VPS8: variants seen among roughly 807,000 people sequenced by gnomAD.
The protein encoded by VPS8 is vacuolar protein sorting-associated protein 8 homolog.
A neutral mutation model predicts 216.4 loss-of-function variants in VPS8; 129 were observed. That is an observed-to-expected ratio of 0.60 (90% CI 0.52 to 0.69). The LOEUF is 0.69. VPS8 is among the 30% of genes least tolerant of loss of function. The pLI is 0.00. For synonymous variants in VPS8, 571 were observed against 565.4 expected (o/e 1.01, Z -0.14); for missense variants, 1,531 against 1,683.5 (o/e 0.91, Z 1.59).
chr3:185,038,060 A>C (rs1260405079), intron 46 of VPS8, among the ~76,000 whole-genome samples: 1 of 152,206 alleles, frequency 6.6e-6, no homozygotes, highest in Non-Finnish European at 1.5e-5. Context: ...GAAACTGGAC[A>C]TTTTAGAAAA....
intron 15 of VPS8, among the ~76,000 whole-genome samples, 183 bp downstream of exon 15, chr3:184,860,248 A>G (rs1439331456): frequency 6.6e-6 from 1 of 151,912 alleles, no homozygotes; most frequent in African/African-American, 2.4e-5. Context: ...GAGCTGGGAT[A>G]GCTTAAGCCC....
At chr3:184,927,639 G>C (rs1739900986) in intron 31 of VPS8, among the ~76,000 whole-genome samples, 3 of 152,012 alleles carry the variant, frequency 2.0e-5, no homozygotes, top group African/African-American at 7.3e-5. Flanking sequence ...TACATCAGTG[G>C]TATTCACATT....
Position 184,915,359 on chromosome 3 carries a change from T to A in VPS8, c.2267T>A (p.Phe756Tyr). Reference sequence around the variant, plus strand: ...CATTTTTTTCCCAACTTGCAGGTTTTTGAATTTCTAATTCGCCTGCATTCA... The same window carrying A: ...CATTTTTTTCCCAACTTGCAGGTTTATGAATTTCTAATTCGCCTGCATTCA... ...DLVPLVKNQV[F>Y]EFLIRLHSAE... The change falls in exon 28 of 48, where the codon TTT becomes TAT. Residue 756 changes from phenylalanine to tyrosine, a missense_variant. Phe to Tyr is a conservative substitution (Grantham distance 22). Coordinates refer to ENST00000625842, the MANE Select transcript of VPS8 (RefSeq NM_001009921.3). 6.2e-7 allele frequency: 1 copy of A among 1,611,608 alleles called. No homozygotes were observed. The highest frequency in any genetic ancestry group is 2.2e-5 in the East Asian group (1 of 44,856).
chr3:184,991,363 T>A (rs1751873845), intron 42 of VPS8, among the ~76,000 whole-genome samples: 1 of 152,206 alleles, frequency 6.6e-6, no homozygotes, highest in African/African-American at 2.4e-5. Flanking sequence ...GGAAAATAAT[T>A]TGAAGAGCTA....
chr3:184,988,840 C>T (rs1177445638), intron 42 of VPS8, among the ~76,000 whole-genome samples: 2 of 152,184 alleles, frequency 1.3e-5, no homozygotes, highest in East Asian at 1.9e-4. Context: ...TAGAGTGTTA[C>T]AGTTTTCTTC....
chr3:184,898,701 C>G, intron 24 of VPS8, 47 bp downstream of exon 24: 1 of 1,361,742 alleles, frequency 7.3e-7, no homozygotes, highest in Non-Finnish European at 1.0e-6. Flanking sequence ...TGTCTACTAA[C>G]TTTTTTCTCC....
At chr3:184,968,801 C>A (rs1373334444) in intron 39 of VPS8, among the ~76,000 whole-genome samples, 1 of 152,092 alleles carries the variant, frequency 6.6e-6, no homozygotes, top group Non-Finnish European at 1.5e-5. Flanking sequence ...TTAGATTATC[C>A]TCTTTAACAC....
chr3:184,969,747 A>G (rs1748086802), intron 39 of VPS8, among the ~76,000 whole-genome samples: 2 of 150,992 alleles, frequency 1.3e-5, no homozygotes, highest in South Asian at 4.2e-4. Context: ...ACTTTTCAAG[A>G]CAATACATGA....
rs1442949641 is a variant in VPS8, at chr3:184,999,813, C to T, written c.3954C>T (p.Leu1318=). ...KCSSSNKVGK[L]SENSSEIKKG... Reference sequence around the variant, plus strand: ...GTTCAAGTAACAAAGTAGGAAAACTCAGTGAAAATTCATCTGAAATTAAAA... The same window carrying T: ...GTTCAAGTAACAAAGTAGGAAAACTTAGTGAAAATTCATCTGAAATTAAAA... The change falls in exon 45 of 48, where the codon CTC becomes CTT. Residue 1318 remains leucine (L), a synonymous_variant. Coordinates refer to ENST00000625842, the MANE Select transcript of VPS8 (RefSeq NM_001009921.3). 1 of 1,612,100 alleles carries T rather than the reference C, an allele frequency of 6.2e-7. No individual in the cohort carries two copies. The highest frequency in any genetic ancestry group is 1.7e-5 in the Admixed American group (1 of 59,664).
chr3:184,914,168 G>A (rs999376896), intron 26 of VPS8, among the ~76,000 whole-genome samples: 3 of 152,188 alleles, frequency 2.0e-5, no homozygotes, highest in African/African-American at 4.8e-5. Context: ...CATCATTTGA[G>A]CTCATATCTA....
chr3:184,949,907 CTGT>C (rs1243581142), intron 36 of VPS8, among the ~76,000 whole-genome samples: 5 of 151,774 alleles, frequency 3.3e-5, no homozygotes, highest in Non-Finnish European at 5.9e-5. Context: ...TTTGTTGCTG[CTGT>C]TGTTGTTTTT....
chr3:184,832,820 G>A lies in VPS8; in HGVS notation c.353+1G>A. 6.2e-7 allele frequency: 1 copy of A among 1,606,308 alleles called. No individual in the cohort carries two copies. Among genetic ancestry groups the A allele is most frequent in the Non-Finnish European group, 8.5e-7 (1 of 1,176,166 alleles). ...GTGGTGACAGGACCAACTTAAAAAG[G>A]TAGGTATTCATGTCAATCATACTTG... On this transcript the variant is annotated splice_donor_variant, in intron 4 of 47. Transcript: ENST00000625842. LOFTEE classifies it high-confidence loss of function.
intron 42 of VPS8, among the ~76,000 whole-genome samples, chr3:184,984,736 A>G (rs1386728072): frequency 1.3e-5 from 2 of 152,208 alleles, no homozygotes; most frequent in Non-Finnish European, 2.9e-5. Context: ...TAATATCTCC[A>G]TAAGGGCAGG....
At chr3:185,039,708 C>T (rs1051887026) in intron 46 of VPS8, among the ~76,000 whole-genome samples, 1 of 151,940 alleles carries the variant, frequency 6.6e-6, no homozygotes, top group Non-Finnish European at 1.5e-5. Flanking sequence ...TCTGGAAAGT[C>T]CTCAGGGATG....
intron 9 of VPS8, chr3:184,849,465 A>G: frequency 3.3e-6 from 1 of 300,828 alleles, no homozygotes. Context: ...GTTATATAAA[A>G]TGTACTTCCT....
chr3:184,871,031 G>A (rs1368864460), intron 21 of VPS8, among the ~76,000 whole-genome samples: 3 of 152,212 alleles, frequency 2.0e-5, no homozygotes, highest in South Asian at 2.1e-4. Flanking sequence ...GCTTAGTGGC[G>A]TGTGGAAGGA....
chr3:184,949,495 T>C (rs1005178844), intron 36 of VPS8, among the ~76,000 whole-genome samples: 3 of 151,980 alleles, frequency 2.0e-5, no homozygotes, highest in Non-Finnish European at 4.4e-5. Flanking sequence ...TTATGAGGGA[T>C]TGTGGCTGTT....
intron 40 of VPS8, 79 bp from the exon 41 acceptor site, chr3:184,982,487 C>A: frequency 1.0e-6 from 1 of 975,936 alleles, no homozygotes. Context: ...AAACATCATG[C>A]TGATGTTAGT....
Position 184,924,843 on chromosome 3 carries a change from G to A in VPS8, c.2455-19G>A. ...AAACCAAATGGTGTATTGAATAAAT[G>A]GTCTCCTTTGCTCTTCAGGTTATGG... On this transcript the variant is annotated intron_variant, in intron 29 of 47. Coordinates refer to ENST00000625842, the MANE Select transcript of VPS8 (RefSeq NM_001009921.3). 1 of 1,587,420 alleles carries A rather than the reference G, an allele frequency of 6.3e-7. No individual in the cohort carries two copies. The highest frequency in any genetic ancestry group is 1.8e-5 in the Admixed American group (1 of 55,446).
Sources: gnomAD v4.1 joint callset for allele counts (sites outside exome capture counted in the v4.1 genomes callset) on GRCh38, gnomAD v4.1.1 for gene constraint, MANE v1.5 for transcripts, NCBI Gene and HGNC (gene_info 2026-07-23, HGNC 2026-07-21) for gene names.